Variants in MRAP2 observed in about 807,000 individuals in gnomAD.
The protein encoded by MRAP2 is melanocortin-2 receptor accessory protein 2.
In MRAP2, 20 loss-of-function variants were observed where a neutral mutation model predicts 17.4. The ratio of observed to expected loss-of-function variants is 1.15; its 90% CI spans 0.81 to 1.67. The LOEUF is 1.67. Among genes scored for constraint, MRAP2 ranks in the 40% most tolerant of loss-of-function variants. The pLI, the probability that MRAP2 is intolerant of heterozygous loss-of-function variation, is 0.00. For missense variants in MRAP2, 238 were observed against 240.0 expected (o/e 0.99, Z 0.05); for synonymous variants, 96 against 88.4 (o/e 1.09, Z -0.48).
the MRAP2 span, among the ~76,000 whole-genome samples, chr6:84,145,660 T>A: frequency 1.3e-5 from 2 of 152,088 alleles, no homozygotes. Flanking sequence ...TCTCCTACCC[T>A]CCTGCCTTGG....
the MRAP2 span, among the ~76,000 whole-genome samples, chr6:84,106,463 G>T: frequency 4.6e-5 from 7 of 152,174 alleles, no homozygotes; most frequent in Non-Finnish European, 1.5e-5. Flanking sequence ...CCATATTGAG[G>T]ACTCAGGGTT....
the MRAP2 span, among the ~76,000 whole-genome samples, chr6:84,126,726 T>C: frequency 6.6e-6 from 1 of 152,170 alleles, no homozygotes; most frequent in Non-Finnish European, 1.5e-5. Flanking sequence ...TCCGGATGAA[T>C]GGACCATCTT....
At chr6:84,098,809 T>C in the MRAP2 span, among the ~76,000 whole-genome samples, 1 of 152,158 alleles carries the variant, frequency 6.6e-6, no homozygotes, top group African/African-American at 2.4e-5. Flanking sequence ...GAATTTGTTT[T>C]ATTGTTGTTT....
At chr6:84,037,699 C>T (rs552483246) in intron 1 of MRAP2, among the ~76,000 whole-genome samples, 56 of 152,268 alleles carry the variant, frequency 3.7e-4, no homozygotes, top group Middle Eastern at 3.4e-3. Flanking sequence ...GGGGACCTGG[C>T]GCCCCCTCTG....
Position 84,046,043 on chromosome 6 carries a change from G to A in MRAP2, c.-7-9269G>A, listed in dbSNP as rs550566650. Among the ~76,000 whole-genome samples the A allele has an allele frequency of 6.6e-5, 10 of 152,332 alleles. No individual in the cohort carries two copies. The South Asian group carries it at 1.0e-3, about 16-fold the overall frequency. ...CATGTGAATGCAGTAGACAGAGGCA[G>A]TGTGATGTGAACCGCCATGGAAGTG... is the stretch of plus-strand genomic sequence containing the variant. On this transcript the variant is annotated intron_variant, in intron 1 of 3. Transcript: ENST00000257776.
Position 84,033,808 on chromosome 6 carries a change from C to T in MRAP2, c.-83C>T. ...CCTGGGCGGTGGGAGGCGGCGGCGGCGGCGGCGCTCGCGCACCTCGGAGGA... is the reference window on the plus strand; with the variant it reads ...CCTGGGCGGTGGGAGGCGGCGGCGGTGGCGGCGCTCGCGCACCTCGGAGGA... On this transcript the variant is annotated 5_prime_UTR_variant, in exon 1 of 4. Coordinates refer to ENST00000257776, the MANE Select transcript of MRAP2 (RefSeq NM_138409.4). The T allele has an allele frequency of 2.0e-6, 2 of 987,314 alleles. No individual in the cohort carries two copies. The allele number at this position is 987,314 out of a possible 1,614,324, so 61.2% of individuals were successfully genotyped here. A position where few individuals can be genotyped will look rare whatever the true frequency, so the allele number is the denominator to read the frequency against.
chr6:84,142,758 T>A, the MRAP2 span, among the ~76,000 whole-genome samples: 1 of 152,174 alleles, frequency 6.6e-6, no homozygotes, highest in South Asian at 2.1e-4. Flanking sequence ...ACCTAGGAGT[T>A]CATCCCCAAA....
intron 2 of MRAP2, among the ~76,000 whole-genome samples, chr6:84,058,905 C>T (rs955039368): frequency 6.6e-6 from 1 of 152,054 alleles, no homozygotes; most frequent in Non-Finnish European, 1.5e-5. Context: ...ATTTGAAAAG[C>T]AGTTTTAGTG....
At chr6:84,047,579 A>T (rs995332892) in intron 1 of MRAP2, among the ~76,000 whole-genome samples, 3 of 152,184 alleles carry the variant, frequency 2.0e-5, no homozygotes, top group Non-Finnish European at 2.9e-5. Flanking sequence ...TTTTGAATGT[A>T]CAGTTCAGTG....
intron 3 of MRAP2, among the ~76,000 whole-genome samples, chr6:84,077,923 T>G (rs1014445714): frequency 6.6e-6 from 1 of 152,222 alleles, no homozygotes; most frequent in Non-Finnish European, 1.5e-5. Flanking sequence ...CCACTGGCCA[T>G]GTGTGGTTAC....
intron 3 of MRAP2, among the ~76,000 whole-genome samples, chr6:84,081,195 T>A (rs2099498883): frequency 6.6e-6 from 1 of 152,158 alleles, no homozygotes; most frequent in Non-Finnish European, 1.5e-5. Flanking sequence ...TGCACCATTA[T>A]CCTGTCAAAT....
the MRAP2 span, among the ~76,000 whole-genome samples, chr6:84,128,012 A>G: frequency 1.3e-5 from 2 of 152,198 alleles, no homozygotes; most frequent in African/African-American, 4.8e-5. Flanking sequence ...TAAGCCTTAT[A>G]TATGTTTACT....
chr6:84,111,612 T>C, the MRAP2 span, among the ~76,000 whole-genome samples: 12 of 152,360 alleles, frequency 7.9e-5, 1 homozygote, highest in African/African-American at 9.6e-5. Context: ...TCTTGCCTAA[T>C]TGCCCTGGCC....
intron 1 of MRAP2, 150 bp from the exon 2 acceptor site, chr6:84,055,162 A>G (rs1460900083): frequency 1.4e-6 from 1 of 732,014 alleles, no homozygotes; most frequent in Non-Finnish European, 2.2e-6. Flanking sequence ...AGGTGTGAGC[A>G]GCTGGTAAGA....
chr6:84,050,954 G>C (rs139348022), intron 1 of MRAP2, among the ~76,000 whole-genome samples: 1 of 152,326 alleles, frequency 6.6e-6, no homozygotes, highest in East Asian at 1.9e-4. Context: ...TGTGCTGTCA[G>C]TTGTGTGCAT....
chr6:84,041,593 A>G (rs558875017), intron 1 of MRAP2, among the ~76,000 whole-genome samples: 26 of 152,374 alleles, frequency 1.7e-4, no homozygotes, highest in Non-Finnish European at 1.2e-4. Flanking sequence ...GCCCAAGGCT[A>G]TGGGAGCCCA....
intron 3 of MRAP2, among the ~76,000 whole-genome samples, chr6:84,074,382 A>T (rs1466513924): frequency 6.6e-6 from 1 of 152,246 alleles, no homozygotes; most frequent in African/African-American, 2.4e-5. Flanking sequence ...AAAGTAGAAC[A>T]TCAACAGCAT....
intron 1 of MRAP2, chr6:84,045,251 G>C (rs1293146109): frequency 1.0e-6 from 1 of 985,268 alleles, no homozygotes; most frequent in East Asian, 1.1e-4. Context: ...GCTGGACATC[G>C]GGCAGCCAAG....
At chr6:84,111,863 A>G in the MRAP2 span, among the ~76,000 whole-genome samples, 1 of 152,166 alleles carries the variant, frequency 6.6e-6, no homozygotes, top group South Asian at 2.1e-4. Flanking sequence ...TGAGATAATC[A>G]TGTGGTTTTT....
Sources: gnomAD v4.1 joint callset for allele counts (sites outside exome capture counted in the v4.1 genomes callset) on GRCh38, gnomAD v4.1.1 for gene constraint, MANE v1.5 for transcripts, NCBI Gene and HGNC (gene_info 2026-07-23, HGNC 2026-07-21) for gene names.